The following F13A1 variants were observed in gnomAD, a reference collection of about 807,000 sequenced individuals.
F13A1 encodes the protein coagulation factor XIII A chain, also known as FSF, A subunit.
F13A1 carries 47 observed loss-of-function variants against 80.1 expected under a neutral mutation model. The ratio of observed to expected loss-of-function variants is 0.59; its 90% CI spans 0.46 to 0.75. The LOEUF is 0.75. Among genes scored for constraint, F13A1 ranks in the 30% least tolerant of loss-of-function variants. The probability of loss-of-function intolerance (pLI) is 0.00; values close to 1 mark genes in which losing one functional copy is unlikely to be tolerated. For synonymous variants in F13A1, 349 were observed against 344.9 expected, an observed-to-expected ratio of 1.01 and a Z score of -0.13; for missense variants, 817 against 930.4, an observed-to-expected ratio of 0.88 and a Z score of 1.59.
intron 4 of F13A1, among the ~76,000 whole-genome samples, chr6:6,258,702 C>T (rs1757736658): frequency 6.6e-6 from 1 of 152,148 alleles, no homozygotes; most frequent in Admixed American, 6.5e-5. Context: ...TCTAATGACT[C>T]AGATACTAGG....
At chr6:6,222,247 AG>A in intron 7 of F13A1, 76 bp from the exon 8 acceptor site, 1 of 1,587,546 alleles carries the variant, frequency 6.3e-7, no homozygotes, top group Admixed American at 1.7e-5. Context: ...CCCTTCTTGT[AG>A]GGGACTTTCT....
intron 3 of F13A1, among the ~76,000 whole-genome samples, chr6:6,282,338 C>T (rs1205377356): frequency 6.6e-6 from 1 of 152,070 alleles, no homozygotes; most frequent in Non-Finnish European, 1.5e-5. Context: ...TGGAACAGTC[C>T]AACTGGCAAA....
intron 3 of F13A1, among the ~76,000 whole-genome samples, chr6:6,294,615 T>C (rs1030984899): frequency 6.6e-6 from 1 of 152,004 alleles, no homozygotes; most frequent in Non-Finnish European, 1.5e-5. Context: ...GGTCTGTCCC[T>C]CAAGAGAACA....
chr6:6,238,525 T>G (rs959417724), intron 6 of F13A1, among the ~76,000 whole-genome samples: 1 of 152,052 alleles, frequency 6.6e-6, no homozygotes, highest in African/African-American at 2.4e-5. Context: ...AAAATTTGAT[T>G]TTATAAAATT....
Position 6,266,676 on chromosome 6 carries a change from G to C in F13A1, c.453C>G (p.Pro151=), listed in dbSNP as rs1245288718. The change falls in exon 4 of 15, where the codon CCC becomes CCG. Residue 151 remains proline, a synonymous_variant. Transcript: ENST00000264870. ...TGCGGAATTTCCCCACAATACATTTGGGGGAAGACTGGATGGACAGCCGCA... is the reference window on the plus strand; with the variant it reads ...TGCGGAATTTCCCCACAATACATTTCGGGGAAGACTGGATGGACAGCCGCA... The part of the protein sequence containing the change: ...RSVRLSIQSS[P]KCIVGKFRMY... 6.2e-7 allele frequency: 1 copy of C among 1,614,186 alleles called. No homozygotes were observed. The highest frequency in any genetic ancestry group is 1.3e-5 in the African/African-American group (1 of 75,046).
At chr6:6,270,879 T>C (rs773574265) in intron 3 of F13A1, among the ~76,000 whole-genome samples, 3 of 152,192 alleles carry the variant, frequency 2.0e-5, no homozygotes, top group Non-Finnish European at 4.4e-5. Context: ...AGGTAACAAC[T>C]GAGTGAGTGA....
At position 6,152,398 on chromosome 6, in the gene F13A1, G is replaced by A. The variant is rs550492169; in HGVS notation, c.1909-449C>T. 3.9e-5 allele frequency among the ~76,000 whole-genome samples: 6 copies of A among 152,262 alleles called. No homozygotes were observed. In the East Asian group the frequency reaches 7.7e-4, roughly 20 times the overall value. ...TGCCTTCTTAGTTTTAGACACATTC[G>A]CAAGAAATATGCCAAGGATGGAGTC... On this transcript the variant is annotated intron_variant, in intron 13 of 14. Transcript: ENST00000264870.
chr6:6,266,440 G>T, intron 4 of F13A1, 118 bp downstream of exon 4: 1 of 1,488,794 alleles, frequency 6.7e-7, no homozygotes, highest in Non-Finnish European at 9.4e-7. Context: ...TCAAACTCCT[G>T]GCCTCAAGCG....
At chr6:6,311,710 CAAATA>C (rs1271723589) in intron 2 of F13A1, among the ~76,000 whole-genome samples, 4 of 90,626 alleles carry the variant, frequency 4.4e-5, no homozygotes, top group East Asian at 3.3e-4. Context: ...TGGATATAAA[CAAATA>C]ATATATTACA....
intron 2 of F13A1, among the ~76,000 whole-genome samples, chr6:6,317,962 G>A (rs1031961306): frequency 2.0e-5 from 3 of 152,114 alleles, no homozygotes. Context: ...AGGTTTCTAG[G>A]GATCAGGCAG....
At chr6:6,222,428 G>T (rs998201850) in intron 7 of F13A1, among the ~76,000 whole-genome samples, 1 of 152,088 alleles carries the variant, frequency 6.6e-6, no homozygotes, top group African/African-American at 2.4e-5. Context: ...TCCCAACAGG[G>T]TTCTAATTGT....
At chr6:6,311,880 A>G (rs1288607737) in intron 2 of F13A1, among the ~76,000 whole-genome samples, 1 of 146,818 alleles carries the variant, frequency 6.8e-6, no homozygotes, top group Non-Finnish European at 1.5e-5. Flanking sequence ...TGAAAAAACT[A>G]TAAACCCATG....
intron 2 of F13A1, among the ~76,000 whole-genome samples, chr6:6,317,212 G>A (rs73718725): frequency 0.012 from 1,789 of 152,234 alleles, 36 homozygotes; most frequent in African/African-American, 0.041. Flanking sequence ...AAAAAGACTC[G>A]TAGACTGGGT....
intron 3 of F13A1, among the ~76,000 whole-genome samples, chr6:6,283,104 A>T (rs1758088482): frequency 6.6e-6 from 1 of 152,230 alleles, no homozygotes; most frequent in Admixed American, 6.5e-5. Context: ...AGAAGAACAC[A>T]GCATCATTTC....
At chr6:6,184,254 G>T (rs1014867966) in intron 10 of F13A1, among the ~76,000 whole-genome samples, 12 of 152,220 alleles carry the variant, frequency 7.9e-5, no homozygotes, top group African/African-American at 2.9e-4. Context: ...TGGTTTCATG[G>T]CTAGGAGCTG....
At chr6:6,174,431 G>C (rs1037976354) in intron 12 of F13A1, 149 bp downstream of exon 12, 18 of 841,060 alleles carry the variant, frequency 2.1e-5, no homozygotes, top group Non-Finnish European at 3.2e-5. Flanking sequence ...GGCTTTTGCA[G>C]AATGAGTGGG....
At chr6:6,265,806 C>T (rs1000337042) in intron 4 of F13A1, among the ~76,000 whole-genome samples, 2 of 152,090 alleles carry the variant, frequency 1.3e-5, no homozygotes, top group African/African-American at 2.4e-5. Context: ...CTATGAACAG[C>T]GTCGACTTTA....
chr6:6,320,008 G>A (rs1159299012), intron 1 of F13A1, among the ~76,000 whole-genome samples: 1 of 152,208 alleles, frequency 6.6e-6, no homozygotes, highest in East Asian at 1.9e-4. Flanking sequence ...GTGGCGCGCT[G>A]TCGGGAGACA....
At chr6:6,245,368 A>G (rs1757540490) in intron 6 of F13A1, among the ~76,000 whole-genome samples, 1 of 152,076 alleles carries the variant, frequency 6.6e-6, no homozygotes, top group African/African-American at 2.4e-5. Flanking sequence ...AATTACAGGC[A>G]TGCATCACCA....
Sources: gnomAD v4.1 joint callset for allele counts (sites outside exome capture counted in the v4.1 genomes callset) on GRCh38, gnomAD v4.1.1 for gene constraint, MANE v1.5 for transcripts, NCBI Gene and HGNC (gene_info 2026-07-23, HGNC 2026-07-21) for gene names.